Variants in PPM1D observed in about 807,000 individuals in gnomAD.
PPM1D encodes the protein protein phosphatase 1D.
Under a neutral mutation model 58.3 loss-of-function variants are expected in PPM1D, and 52 were observed. The observed-to-expected ratio is 0.89, with a 90% CI of 0.71 to 1.12. The LOEUF (loss-of-function observed/expected upper bound fraction) is 1.12, where lower values mean the gene tolerates loss of function less well. Among genes scored for constraint, PPM1D ranks in the 50% most tolerant of loss-of-function variants. The pLI is 0.00. For missense variants in PPM1D, 564 were observed against 777.2 expected (o/e 0.73, Z 3.26); for synonymous variants, 278 against 285.1 (o/e 0.98, Z 0.25).
chr17:60,629,426 T>C (rs2030875036), intron 2 of PPM1D, among the ~76,000 whole-genome samples: 1 of 152,176 alleles, frequency 6.6e-6, no homozygotes, highest in Non-Finnish European at 1.5e-5. Flanking sequence ...CTGAAGACAA[T>C]ATCCTTGAAG....
At chr17:60,645,630 GTATATGTGTGTGTGTGTATATATATA>G (rs2031235627) in intron 3 of PPM1D, among the ~76,000 whole-genome samples, 1 of 125,726 alleles carries the variant, frequency 8.0e-6, no homozygotes, top group African/African-American at 3.6e-5. Context: ...ATATGTATAT[GTATATGTGTGTGTGTGTATATATATA>G]TATACACACA....
chr17:60,627,427 CT>C (rs376666702), intron 2 of PPM1D, among the ~76,000 whole-genome samples: 7,306 of 145,334 alleles, frequency 0.05, 561 homozygotes, highest in African/African-American at 0.16. Flanking sequence ...CTTTTTCTTT[CT>C]TTTTTTTTTT....
chr17:60,651,337 A>T lies in PPM1D; in HGVS notation c.1017+3255A>T, dbSNP rs183184994. 4.6e-5 allele frequency among the ~76,000 whole-genome samples: 7 copies of T among 151,988 alleles called. No individual in the cohort carries two copies. In the East Asian group the frequency reaches 1.4e-3, roughly 29 times the overall value. ...ATTCTGAGGTGCATATTTTCTTTTA[A>T]TATCTCTGAAATTGGAATACTTTTT... On this transcript the variant is annotated intron_variant, in intron 4 of 5. Coordinates refer to ENST00000305921, the MANE Select transcript of PPM1D (RefSeq NM_003620.4).
intron 1 of PPM1D, among the ~76,000 whole-genome samples, chr17:60,619,983 G>GTTTGTTTTGT (rs374505300): frequency 0.025 from 3,746 of 149,516 alleles, 164 homozygotes; most frequent in African/African-American, 0.085. Context: ...TTTTGTTTTT[G>GTTTGTTTTGT]TTTGTTTTGT....
At position 60,631,630 on chromosome 17, in the gene PPM1D, T is replaced by C. The variant is rs552960292; in HGVS notation, c.702-2223T>C. On this transcript the variant is annotated intron_variant, in intron 2 of 5. Transcript: ENST00000305921. ...CAAAAAAAAAAGGGTGGGGGGATGG[T>C]GAATGAGCAACTTTCTGGAATTTCT... 2.2e-3 allele frequency among the ~76,000 whole-genome samples: 335 copies of C among 151,636 alleles called. 1 individual carries two copies. Among genetic ancestry groups the C allele is most frequent in the African/African-American group, 7.8e-3 (324 of 41,402 alleles).
At chr17:60,638,840 A>G (rs2031076584) in intron 3 of PPM1D, among the ~76,000 whole-genome samples, 1 of 152,122 alleles carries the variant, frequency 6.6e-6, no homozygotes, top group Non-Finnish European at 1.5e-5. Flanking sequence ...AAGGGGTGGG[A>G]ATAGATGTCT....
chr17:60,622,358 A>G (rs2030724870), intron 1 of PPM1D, among the ~76,000 whole-genome samples: 1 of 151,868 alleles, frequency 6.6e-6, no homozygotes, highest in Non-Finnish European at 1.5e-5. Flanking sequence ...GTGTGTCTAT[A>G]TGTTGTGGAT....
At chr17:60,644,269 A>T (rs968891539) in intron 3 of PPM1D, among the ~76,000 whole-genome samples, 1 of 151,898 alleles carries the variant, frequency 6.6e-6, no homozygotes, top group Non-Finnish European at 1.5e-5. Flanking sequence ...GTTAAAAATG[A>T]CTAAAAAATG....
intron 1 of PPM1D, among the ~76,000 whole-genome samples, chr17:60,612,410 C>T (rs2030476889): frequency 6.6e-6 from 1 of 151,082 alleles, no homozygotes; most frequent in Non-Finnish European, 1.5e-5. Flanking sequence ...TAGCCTACTG[C>T]ACACCTAGAT....
chr17:60,649,566 A>G (rs1016493404), intron 4 of PPM1D, among the ~76,000 whole-genome samples: 3 of 152,084 alleles, frequency 2.0e-5, no homozygotes, highest in Middle Eastern at 3.4e-3. Context: ...GCACTCGCCT[A>G]TAGTCCCAGC....
rs141243454 is a variant in PPM1D, at chr17:60,624,497, T to C, written c.701+748T>C. On this transcript the variant is annotated intron_variant, in intron 2 of 5. Coordinates refer to ENST00000305921, the MANE Select transcript of PPM1D (RefSeq NM_003620.4). The stretch of plus-strand genomic sequence containing the variant: ...GAAACGACAAACTAAGGAAAATAAT[T>C]AGCATCTGGCTGGGCACTGTGGCTC... Among the ~76,000 whole-genome samples the C allele has an allele frequency of 6.7e-3, 1,013 of 152,236 alleles. 7 individuals carry two copies. Among genetic ancestry groups the C allele is most frequent in the Non-Finnish European group, 9.9e-3 (674 of 68,012 alleles).
At chr17:60,656,105 A>G (rs2031433997) in intron 4 of PPM1D, among the ~76,000 whole-genome samples, 1 of 152,100 alleles carries the variant, frequency 6.6e-6, no homozygotes. Flanking sequence ...GTATTTTTTG[A>G]ATTTAGAAAA....
intron 2 of PPM1D, among the ~76,000 whole-genome samples, chr17:60,632,334 T>C (rs769184551): frequency 5.9e-5 from 9 of 152,306 alleles, no homozygotes; most frequent in Non-Finnish European, 1.0e-4. Flanking sequence ...CAAAGTCTAG[T>C]CTCAAACTTT....
At chr17:60,645,558 G>GTATATATATGTATATATA in intron 3 of PPM1D, among the ~76,000 whole-genome samples, 2 of 132,918 alleles carry the variant, frequency 1.5e-5, no homozygotes, top group African/African-American at 6.3e-5. Flanking sequence ...ATATATATGT[G>GTATATATATGTATATATA]TGTGTATATA....
chr17:60,605,978 A>G (rs1295579714), intron 1 of PPM1D, among the ~76,000 whole-genome samples: 1 of 152,214 alleles, frequency 6.6e-6, no homozygotes, highest in Non-Finnish European at 1.5e-5. Context: ...AAGTGTATTC[A>G]TAATGTTGTA....
At chr17:60,630,497 G>A (rs576589531) in intron 2 of PPM1D, among the ~76,000 whole-genome samples, 1 of 152,084 alleles carries the variant, frequency 6.6e-6, no homozygotes, top group Non-Finnish European at 1.5e-5. Context: ...CCCGGCCTAG[G>A]CAACGGGCCA....
chr17:60,644,084 A>C (rs1249133132), intron 3 of PPM1D, among the ~76,000 whole-genome samples: 1 of 151,562 alleles, frequency 6.6e-6, no homozygotes, highest in Non-Finnish European at 1.5e-5. Flanking sequence ...TCACCGTGTT[A>C]GCCAGGCTGG....
intron 1 of PPM1D, among the ~76,000 whole-genome samples, chr17:60,615,119 G>C (rs1274516691): frequency 1.3e-5 from 2 of 152,136 alleles, no homozygotes; most frequent in Non-Finnish European, 2.9e-5. Flanking sequence ...TCCTTAGGCT[G>C]GGTGTGGTGG....
chr17:60,602,914 AT>A (rs1428448436), intron 1 of PPM1D, among the ~76,000 whole-genome samples: 1 of 152,146 alleles, frequency 6.6e-6, no homozygotes, highest in Non-Finnish European at 1.5e-5. Context: ...GTAGTTTGCA[AT>A]CTGCAGGCCA....
Sources: allele counts gnomAD v4.1 joint callset (sites outside exome capture counted in the v4.1 genomes callset), GRCh38; gene constraint gnomAD v4.1.1; transcripts MANE v1.5; gene names NCBI Gene and HGNC (gene_info 2026-07-23, HGNC 2026-07-21).